The following EIPR1 variants were observed in gnomAD, a reference collection of about 807,000 sequenced individuals.
EIPR1 encodes the protein EARP complex and GARP complex interacting protein 1.
EIPR1 carries 25 observed loss-of-function variants against 48.1 expected under a neutral mutation model. The observed-to-expected ratio is 0.52, with a 90% CI of 0.38 to 0.73. The LOEUF (loss-of-function observed/expected upper bound fraction) is 0.73. EIPR1 is among the 30% of genes least tolerant of loss of function. The pLI is 0.00. For missense variants in EIPR1, 415 were observed against 506.2 expected, an observed-to-expected ratio of 0.82 and a Z score of 1.73; for synonymous variants, 204 against 201.9, an observed-to-expected ratio of 1.01 and a Z score of -0.09.
At chr2:3,370,384 C>T (rs1320350308) in intron 1 of EIPR1, among the ~76,000 whole-genome samples, 7 of 151,688 alleles carry the variant, frequency 4.6e-5, no homozygotes, top group African/African-American at 9.7e-5. Flanking sequence ...CAAAGCTGGA[C>T]GGAGAATGAC....
At chr2:3,223,581 A>G (rs1048508119) in intron 4 of EIPR1, among the ~76,000 whole-genome samples, 2 of 152,218 alleles carry the variant, frequency 1.3e-5, no homozygotes, top group African/African-American at 4.8e-5. Context: ...GTCAGTGAAG[A>G]CTGGTTCACC....
intron 3 of EIPR1, among the ~76,000 whole-genome samples, chr2:3,332,050 T>C (rs1669915140): frequency 7.0e-6 from 1 of 142,330 alleles, no homozygotes; most frequent in African/African-American, 2.7e-5. Context: ...CAGGTGTGTA[T>C]ACACTCATGA....
intron 4 of EIPR1, among the ~76,000 whole-genome samples, chr2:3,255,832 C>CAT (rs3038713): frequency 0.97 from 147,809 of 152,288 alleles, 71,878 homozygotes; most frequent in East Asian, 1. Context: ...TGCACACATA[C>CAT]GTGTGCACAG....
intron 5 of EIPR1, chr2:3,208,537 A>T (rs1047394060): frequency 6.5e-7 from 1 of 1,547,872 alleles, no homozygotes; most frequent in African/African-American, 1.4e-5. Context: ...GACTACTTAA[A>T]AATAGTGAGA....
At chr2:3,342,749 A>G (rs956690876) in intron 2 of EIPR1, among the ~76,000 whole-genome samples, 3 of 152,248 alleles carry the variant, frequency 2.0e-5, no homozygotes, top group African/African-American at 4.8e-5. Context: ...GTTCCTCCCA[A>G]GCCCATGTCT....
chr2:3,346,876 G>A (rs1028487866), intron 2 of EIPR1, among the ~76,000 whole-genome samples: 7 of 152,202 alleles, frequency 4.6e-5, no homozygotes, highest in African/African-American at 1.7e-4. Context: ...ACCTGACATA[G>A]TTTGGAAATT....
chr2:3,259,023 C>T (rs1157951067), intron 3 of EIPR1, among the ~76,000 whole-genome samples: 1 of 151,864 alleles, frequency 6.6e-6, no homozygotes, highest in Non-Finnish European at 1.5e-5. Context: ...ACAAAAATAA[C>T]CAAAGGGAAA....
At position 3,215,497 on chromosome 2, in the gene EIPR1, T is replaced by C. The variant is rs75721399; in HGVS notation, c.417-1249A>G. Among the ~76,000 whole-genome samples the C allele has an allele frequency of 1.7e-4, 26 of 152,358 alleles. No individual in the cohort carries two copies. In the East Asian group the frequency reaches 3.7e-3, roughly 21 times the overall value. ...CCTAAATGATACAATGCTATTCAGT[T>C]ACTCAACAAAGACCAAAATGCTCTC... is the stretch of plus-strand genomic sequence containing the variant. On this transcript the variant is annotated intron_variant, in intron 4 of 8. Coordinates refer to ENST00000382125, the MANE Select transcript of EIPR1 (RefSeq NM_003310.5).
At chr2:3,347,132 G>A (rs370077198) in intron 2 of EIPR1, among the ~76,000 whole-genome samples, 84 of 152,228 alleles carry the variant, frequency 5.5e-4, no homozygotes, top group African/African-American at 1.7e-3. Flanking sequence ...TCCTGAGGCC[G>A]TCGCAGAAGC....
Position 3,327,476 on chromosome 2 carries a change from G to A in EIPR1, c.259+10541C>T, listed in dbSNP as rs190125782. Among the ~76,000 whole-genome samples, 69 of 152,242 alleles carry A rather than the reference G, an allele frequency of 4.5e-4. 2 individuals are homozygous for A. The East Asian group carries it at 0.011, about 24-fold the overall frequency. On this transcript the variant is annotated intron_variant, in intron 3 of 8. Transcript: ENST00000382125. ...TGGGATAACAGGTGTGAGTCACTGCGCTGGCCCTTTTCCATTTTTAAAAAA... is the reference window on the plus strand; with the variant it reads ...TGGGATAACAGGTGTGAGTCACTGCACTGGCCCTTTTCCATTTTTAAAAAA...
rs909590334 is a variant in EIPR1, at chr2:3,341,104, AAAAAAAAAAAAAAAAAC to A, written c.127-2972_127-2956del. On this transcript the variant is annotated intron_variant, in intron 2 of 8. Transcript: ENST00000382125. The stretch of plus-strand genomic sequence containing the variant: ...GAGTGAGATCCTGTCTCAAAAAAAA[AAAAAAAAAAAAAAAAAC>A]AAAACAAAACTCCACAATAGAATGG... 4.7e-5 allele frequency among the ~76,000 whole-genome samples: 7 copies of A among 148,422 alleles called. No homozygotes were observed. The East Asian group carries it at 5.9e-4, about 13-fold the overall frequency.
rs1460241103 is a variant in EIPR1 at position 3,277,593 on chromosome 2, CG to C, written c.260-20139del. ...ACCCCAGGCCGTGGGAACTACTCCC[CG>C]GGGTGTTCATCTGGTTCCTTTTCTC... On this transcript the variant is annotated intron_variant, in intron 3 of 8. Coordinates refer to ENST00000382125, the MANE Select transcript of EIPR1 (RefSeq NM_003310.5). 2.0e-5 allele frequency among the ~76,000 whole-genome samples: 3 copies of C among 152,334 alleles called. No individual in the cohort carries two copies. In the East Asian group the frequency reaches 5.8e-4, roughly 29 times the overall value.
At chr2:3,291,322 G>A (rs1273079422) in intron 3 of EIPR1, among the ~76,000 whole-genome samples, 5 of 151,986 alleles carry the variant, frequency 3.3e-5, no homozygotes, top group African/African-American at 1.2e-4. Flanking sequence ...TCCACGTAGC[G>A]GGCTGCACGC....
At chr2:3,339,830 G>T (rs1384950135) in intron 2 of EIPR1, among the ~76,000 whole-genome samples, 1 of 152,188 alleles carries the variant, frequency 6.6e-6, no homozygotes, top group South Asian at 2.1e-4. Context: ...GGCACCTGTA[G>T]TCCCAGCTAC....
intron 2 of EIPR1, among the ~76,000 whole-genome samples, chr2:3,348,147 G>C (rs1031691993): frequency 2.6e-5 from 4 of 152,184 alleles, no homozygotes; most frequent in Admixed American, 2.6e-4. Context: ...AACAGATGCA[G>C]AACCAGATGC....
At chr2:3,208,393 A>G (rs1665306833) in intron 5 of EIPR1, 3 of 1,407,340 alleles carry the variant, frequency 2.1e-6, no homozygotes, top group South Asian at 1.5e-5. Context: ...CCTGACCCAC[A>G]GCCCCAGATC....
At chr2:3,323,504 C>T (rs1305927042) in intron 3 of EIPR1, among the ~76,000 whole-genome samples, 2 of 152,226 alleles carry the variant, frequency 1.3e-5, no homozygotes, top group Non-Finnish European at 2.9e-5. Context: ...GGTCTTCATT[C>T]TGCATTTTCT....
chr2:3,322,435 A>G (rs1412310547), intron 3 of EIPR1, among the ~76,000 whole-genome samples: 1 of 152,266 alleles, frequency 6.6e-6, no homozygotes, highest in Non-Finnish European at 1.5e-5. Flanking sequence ...CAGGAAATAG[A>G]AAAGGGTCTT....
At chr2:3,330,044 C>T (rs1408915532) in intron 3 of EIPR1, among the ~76,000 whole-genome samples, 2 of 150,516 alleles carry the variant, frequency 1.3e-5, no homozygotes, top group South Asian at 2.1e-4. Context: ...AATGATCTTG[C>T]GGCACCAGCC....
Sources: gnomAD v4.1 joint callset for allele counts (sites outside exome capture counted in the v4.1 genomes callset) on GRCh38, gnomAD v4.1.1 for gene constraint, MANE v1.5 for transcripts, NCBI Gene and HGNC (gene_info 2026-07-23, HGNC 2026-07-21) for gene names.